Variants in DTHD1 observed in about 807,000 individuals in gnomAD.
DTHD1 encodes death domain containing 1.
A neutral mutation model predicts 74.8 loss-of-function variants in DTHD1; 59 were observed. The observed-to-expected ratio is 0.79, with a 90% CI of 0.64 to 0.98. The LOEUF is 0.98. DTHD1 is among the 50% of genes least tolerant of loss of function. DTHD1 has a pLI of 0.00. For synonymous variants in DTHD1, 365 were observed against 371.1 expected, an observed-to-expected ratio of 0.98 and a Z score of 0.19; for missense variants, 1,051 against 1,065.4, an observed-to-expected ratio of 0.99 and a Z score of 0.19.
rs538868368 is a variant in DTHD1 at position 36,316,189 on chromosome 4, C to T, written c.2096-53C>T. On this transcript the variant is annotated intron_variant, in intron 7 of 9. Coordinates refer to ENST00000639862, the MANE Select transcript of DTHD1 (RefSeq NM_001170700.3). ...TGACCTCGTGATCCGCCTGCCTCGGCCTCCCAAAGTGAGATAACTTAATGG... is the reference window on the plus strand; with the variant it reads ...TGACCTCGTGATCCGCCTGCCTCGGTCTCCCAAAGTGAGATAACTTAATGG... The T allele has an allele frequency of 2.7e-5, 41 of 1,516,726 alleles. No homozygotes were observed. In the East Asian group the frequency reaches 9.1e-4, roughly 34 times the overall value. 94.0% of individuals were successfully genotyped at this position (1,516,726 alleles called of 1,614,324 possible).
intron 6 of DTHD1, among the ~76,000 whole-genome samples, chr4:36,307,654 T>A (rs1020130235): frequency 1.3e-5 from 2 of 152,216 alleles, no homozygotes; most frequent in African/African-American, 4.8e-5. Context: ...ATGCGTATTT[T>A]AATCCCCATT....
chr4:36,347,181 A>G lies in DTHD1; in HGVS notation c.*3357A>G, dbSNP rs893829355. Among the ~76,000 whole-genome samples the G allele has an allele frequency of 6.6e-6, 1 of 152,108 alleles. No homozygotes were observed. The highest frequency in any genetic ancestry group is 2.4e-5 in the African/African-American group (1 of 41,418). ...TTTAATGTCTTCGAATGTTTTAATGACTGTATAATATCCTATTTCATAACC... is the reference window on the plus strand; with the variant it reads ...TTTAATGTCTTCGAATGTTTTAATGGCTGTATAATATCCTATTTCATAACC... On this transcript the variant is annotated 3_prime_UTR_variant, in exon 10 of 10. Transcript: ENST00000639862.
At chr4:36,329,513 T>C (rs1475621068) in intron 8 of DTHD1, among the ~76,000 whole-genome samples, 1 of 152,218 alleles carries the variant, frequency 6.6e-6, no homozygotes, top group African/African-American at 2.4e-5. Flanking sequence ...TTGCATTTTG[T>C]TTATGACTTA....
chr4:36,327,489 T>C (rs2109548036), intron 8 of DTHD1, among the ~76,000 whole-genome samples: 1 of 152,338 alleles, frequency 6.6e-6, no homozygotes, highest in South Asian at 2.1e-4. Flanking sequence ...AGTAATAGCG[T>C]CTTCCACGTA....
At chr4:36,328,793 G>A (rs567125143) in intron 8 of DTHD1, among the ~76,000 whole-genome samples, 1 of 152,226 alleles carries the variant, frequency 6.6e-6, no homozygotes, top group East Asian at 1.9e-4. Flanking sequence ...CACTATATCA[G>A]CTACTGCCCA....
At chr4:36,296,677 AT>A (rs1756420063) in intron 5 of DTHD1, among the ~76,000 whole-genome samples, 1 of 151,960 alleles carries the variant, frequency 6.6e-6, no homozygotes, top group Admixed American at 6.6e-5. Flanking sequence ...TGCTTGGGTA[AT>A]TTCCTTAGGT....
At chr4:36,302,330 T>C (rs1756826641) in intron 5 of DTHD1, among the ~76,000 whole-genome samples, 2 of 152,162 alleles carry the variant, frequency 1.3e-5, no homozygotes, top group Admixed American at 1.3e-4. Flanking sequence ...TTTTTTTCTC[T>C]GTACAATACT....
chr4:36,333,181 T>C (rs993157956), intron 8 of DTHD1, among the ~76,000 whole-genome samples: 1 of 151,940 alleles, frequency 6.6e-6, no homozygotes, highest in Non-Finnish European at 1.5e-5. Flanking sequence ...GTAATATAAA[T>C]ATTACACATT....
At chr4:36,329,746 CT>C (rs1758561623) in intron 8 of DTHD1, among the ~76,000 whole-genome samples, 1 of 152,074 alleles carries the variant, frequency 6.6e-6, no homozygotes, top group Non-Finnish European at 1.5e-5. Flanking sequence ...TCTTTTTAAA[CT>C]TTTCTCTAAT....
intron 5 of DTHD1, among the ~76,000 whole-genome samples, chr4:36,296,802 A>G (rs934060806): frequency 6.6e-6 from 1 of 152,046 alleles, no homozygotes; most frequent in Admixed American, 6.6e-5. Flanking sequence ...TTGTTTTACT[A>G]TGCTTTATAT....
At chr4:36,315,199 A>G (rs1304335561) in intron 7 of DTHD1, among the ~76,000 whole-genome samples, 1 of 152,256 alleles carries the variant, frequency 6.6e-6, no homozygotes, top group Non-Finnish European at 1.5e-5. Flanking sequence ...ACAACGTGAA[A>G]TATCCTGATT....
chr4:36,299,121 T>C (rs1756611969), intron 5 of DTHD1, among the ~76,000 whole-genome samples: 1 of 152,076 alleles, frequency 6.6e-6, no homozygotes, highest in African/African-American at 2.4e-5. Flanking sequence ...TCTGAAATTT[T>C]CAATTATTCT....
At chr4:36,315,529 TTCATTTAAACTTA>T (rs1757661331) in intron 7 of DTHD1, 1 of 152,238 alleles carries the variant, frequency 6.6e-6, no homozygotes, top group Non-Finnish European at 1.5e-5. Context: ...TTCATTAATT[TTCATTTAAACTTA>T]AATTGCCACA....
chr4:36,302,976 G>C (rs2109485331), intron 5 of DTHD1, among the ~76,000 whole-genome samples: 1 of 152,252 alleles, frequency 6.6e-6, no homozygotes, highest in Admixed American at 6.5e-5. Context: ...TTGATGGTTT[G>C]AATGCTTGTC....
chr4:36,304,260 G>T (rs1756928350), intron 5 of DTHD1, among the ~76,000 whole-genome samples: 1 of 152,156 alleles, frequency 6.6e-6, no homozygotes, highest in African/African-American at 2.4e-5. Flanking sequence ...CAATATTCTG[G>T]ATTCAGTAAG....
At chr4:36,315,695 T>A (rs1757672396) in intron 7 of DTHD1, 1 of 152,176 alleles carries the variant, frequency 6.6e-6, no homozygotes, top group Non-Finnish European at 1.5e-5. Flanking sequence ...AGTTTCTGGT[T>A]ATATCAAAAT....
chr4:36,286,252 T>G (rs1267345398), intron 2 of DTHD1, among the ~76,000 whole-genome samples: 3 of 152,198 alleles, frequency 2.0e-5, no homozygotes, highest in African/African-American at 7.2e-5. Flanking sequence ...AAGCTCCATA[T>G]TCTCACATTC....
chr4:36,309,260 ACCT>A (rs1178378621), intron 7 of DTHD1, among the ~76,000 whole-genome samples: 5 of 152,176 alleles, frequency 3.3e-5, no homozygotes, highest in African/African-American at 1.2e-4. Context: ...ACATAGTGAA[ACCT>A]CGTCTCTATT....
Position 36,290,782 on chromosome 4 carries a change from G to GT in DTHD1, c.1218+80dup, listed in dbSNP as rs2109454372. The GT allele has an allele frequency of 2.3e-5, 27 of 1,172,620 alleles. No individual in the cohort carries two copies. The South Asian group carries it at 4.1e-4, about 18-fold the overall frequency. The allele number at this position is 1,172,620 out of a possible 1,614,324, so 72.6% of individuals were successfully genotyped here. The stretch of plus-strand genomic sequence containing the variant: ...ATCACTCAGACTAACAGATTGTAGT[G>GT]TAGATATAATTGCTCCACTAGTAAT... On this transcript the variant is annotated intron_variant, in intron 3 of 9. Coordinates refer to ENST00000639862, the MANE Select transcript of DTHD1 (RefSeq NM_001170700.3).
Sources: allele counts gnomAD v4.1 joint callset (sites outside exome capture counted in the v4.1 genomes callset), GRCh38; gene constraint gnomAD v4.1.1; transcripts MANE v1.5; gene names NCBI Gene and HGNC (gene_info 2026-07-23, HGNC 2026-07-21).